The following STAB2 variants were observed in gnomAD, a reference collection of about 807,000 sequenced individuals.
STAB2 encodes stabilin-2.
Under a neutral mutation model 338.1 loss-of-function variants are expected in STAB2, and 288 were observed. The observed-to-expected ratio is 0.85, with a 90% CI of 0.77 to 0.94. STAB2 has a LOEUF of 0.94. STAB2 is among the 40% of genes least tolerant of loss of function. The pLI is 0.00. For missense variants in STAB2, 3,141 were observed against 3,210.1 expected (o/e 0.98, Z 0.52); for synonymous variants, 1,202 against 1,193.3 (o/e 1.01, Z -0.15).
At chr12:103,614,427 C>G (rs1957177695) in intron 3 of STAB2, among the ~76,000 whole-genome samples, 1 of 152,166 alleles carries the variant, frequency 6.6e-6, no homozygotes. Context: ...TCCTGCTGAC[C>G]TCTAGCCACT....
At chr12:103,697,213 C>A (rs1878484900) in intron 33 of STAB2, among the ~76,000 whole-genome samples, 1 of 152,084 alleles carries the variant, frequency 6.6e-6, no homozygotes, top group African/African-American at 2.4e-5. Context: ...TATTATGTAT[C>A]CCCAATAGGA....
chr12:103,641,363 A>G (rs531800183), intron 9 of STAB2, among the ~76,000 whole-genome samples: 4 of 152,280 alleles, frequency 2.6e-5, no homozygotes, highest in Admixed American at 2.6e-4. Context: ...CCCTCTCTGA[A>G]CTGATGTTTC....
At chr12:103,610,639 C>A (rs1332337607) in intron 3 of STAB2, among the ~76,000 whole-genome samples, 4 of 152,148 alleles carry the variant, frequency 2.6e-5, no homozygotes, top group Non-Finnish European at 5.9e-5. Context: ...AAAAAACCAG[C>A]TCCTGGATTC....
rs1174634141 is a variant in STAB2 at position 103,604,743 on chromosome 12, T to C, written c.331+10233T>C. ...GTGATTGGTAATTTTCATCTTCTCT[T>C]TTTTTTCTTATTAGTCTGGCTATAA... is the stretch of plus-strand genomic sequence containing the variant. On this transcript the variant is annotated intron_variant, in intron 3 of 68. Coordinates refer to ENST00000388887, the MANE Select transcript of STAB2 (RefSeq NM_017564.10). 2.6e-5 allele frequency among the ~76,000 whole-genome samples: 4 copies of C among 151,894 alleles called. No individual in the cohort carries two copies. In the East Asian group the frequency reaches 7.7e-4, roughly 29 times the overall value.
At chr12:103,698,694 C>A (rs151149072) in intron 33 of STAB2, among the ~76,000 whole-genome samples, 2 of 152,144 alleles carry the variant, frequency 1.3e-5, no homozygotes, top group African/African-American at 4.8e-5. Context: ...CCTATCTCCA[C>A]GAGACACAGA....
intron 3 of STAB2, among the ~76,000 whole-genome samples, chr12:103,609,402 C>T (rs1957084839): frequency 6.6e-6 from 1 of 152,204 alleles, no homozygotes; most frequent in Admixed American, 6.5e-5. Context: ...AGGTCCTTCA[C>T]ATCCCTTGTA....
intron 11 of STAB2, 74 bp downstream of exon 11, chr12:103,650,652 A>C: frequency 8.1e-7 from 1 of 1,238,512 alleles, no homozygotes; most frequent in Non-Finnish European, 1.2e-6. Flanking sequence ...TCTTTTATTT[A>C]AAGTGGGAAA....
intron 17 of STAB2, among the ~76,000 whole-genome samples, chr12:103,662,620 T>C (rs1373740064): frequency 4.6e-5 from 7 of 152,222 alleles, no homozygotes; most frequent in Admixed American, 4.6e-4. Context: ...GCAAGAACCA[T>C]TTCTACAAGG....
intron 25 of STAB2, among the ~76,000 whole-genome samples, chr12:103,682,665 A>G (rs1055431392): frequency 1.3e-5 from 2 of 152,120 alleles, no homozygotes; most frequent in Non-Finnish European, 2.9e-5. Context: ...GAATTCAGGA[A>G]GAGGCTGGGC....
chr12:103,694,850 C>T (rs1021703489), intron 31 of STAB2, among the ~76,000 whole-genome samples: 3 of 152,028 alleles, frequency 2.0e-5, no homozygotes, highest in Non-Finnish European at 4.4e-5. Flanking sequence ...AGCTTGCAAA[C>T]TCAAATGCCC....
intron 3 of STAB2, among the ~76,000 whole-genome samples, chr12:103,608,141 T>A (rs1194890809): frequency 6.6e-6 from 1 of 152,202 alleles, no homozygotes; most frequent in Non-Finnish European, 1.5e-5. Context: ...TGGCCAGTGA[T>A]GATGAGCAGT....
rs79021375 is a variant in STAB2, at chr12:103,755,899, C to T, written c.6987+181C>T. Among the ~76,000 whole-genome samples, 677 of 152,290 alleles carry T rather than the reference C, an allele frequency of 4.4e-3. 7 individuals are homozygous for T. The highest frequency in any genetic ancestry group is 0.016 in the African/African-American group (653 of 41,562). On this transcript the variant is annotated intron_variant, in intron 63 of 68. Transcript: ENST00000388887. ...CACTTGTAAAACCTTAAAGAAGTTA[C>T]TTTCCTCTCTGGGACTCAATTTCCT...
At chr12:103,669,391 A>G (rs1439109884) in intron 20 of STAB2, 150 bp from the exon 21 acceptor site, 2 of 657,258 alleles carry the variant, frequency 3.0e-6, no homozygotes, top group Non-Finnish European at 5.4e-6. Flanking sequence ...ACTGAGCACT[A>G]GCCATGCCAT....
chr12:103,748,531 T>C (rs1883260674), intron 58 of STAB2, among the ~76,000 whole-genome samples: 1 of 151,446 alleles, frequency 6.6e-6, no homozygotes, highest in African/African-American at 2.4e-5. Context: ...ATCTACAGAA[T>C]GGGGACAACA....
At position 103,631,612 on chromosome 12, in the gene STAB2, C is replaced by T. The variant is rs758413234; in HGVS notation, c.502C>T (p.His168Tyr). 4.3e-6 allele frequency: 7 copies of T among 1,613,942 alleles called. No homozygotes were observed. The Admixed American group carries it at 5.0e-5, about 12-fold the overall frequency. ...PSCSSVCNCV[H>Y]GVCNSGLDGD... The stretch of plus-strand genomic sequence containing the variant: ...TCTGTCTCCAGTGTGCAACTGTGTG[C>T]ATGGGGTGTGCAACAGTGGACTAGA... Residue 168 changes from histidine (H) to tyrosine (Y), a missense_variant, in exon 6 of 69, where the codon CAT becomes TAT. Physicochemically the swap from His to Tyr is moderately conservative, Grantham distance 83. Coordinates refer to ENST00000388887, the MANE Select transcript of STAB2 (RefSeq NM_017564.10).
intron 22 of STAB2, among the ~76,000 whole-genome samples, chr12:103,671,785 T>TA (rs1181989938): frequency 6.6e-6 from 1 of 152,176 alleles, no homozygotes; most frequent in Non-Finnish European, 1.5e-5. Context: ...TCCACCACAA[T>TA]AGGCATTGAA....
intron 39 of STAB2, 23 bp from the exon 40 acceptor site, chr12:103,711,448 C>T: frequency 6.2e-7 from 1 of 1,614,016 alleles, no homozygotes; most frequent in Non-Finnish European, 8.5e-7. Context: ...AGGGCTAAGA[C>T]AGCAACTGGT....
At chr12:103,617,205 G>A (rs961278908) in intron 3 of STAB2, among the ~76,000 whole-genome samples, 2 of 152,058 alleles carry the variant, frequency 1.3e-5, no homozygotes, top group Non-Finnish European at 2.9e-5. Context: ...CAGTATTACC[G>A]GAGTGTCTGT....
chr12:103,676,820 G>A (rs1876418851), intron 24 of STAB2, among the ~76,000 whole-genome samples: 1 of 152,168 alleles, frequency 6.6e-6, no homozygotes, highest in Non-Finnish European at 1.5e-5. Flanking sequence ...GGCTTGAAGT[G>A]AATCAGATCA....
Sources: allele counts gnomAD v4.1 joint callset (sites outside exome capture counted in the v4.1 genomes callset), GRCh38; gene constraint gnomAD v4.1.1; transcripts MANE v1.5; gene names NCBI Gene and HGNC (gene_info 2026-07-23, HGNC 2026-07-21).